The following KIFAP3 variants were observed in gnomAD, a reference collection of about 807,000 sequenced individuals.
The protein encoded by KIFAP3 is kinesin associated protein 3, also known as kinesin-associated protein 3.
A neutral mutation model predicts 106.5 loss-of-function variants in KIFAP3; 68 were observed. That is an observed-to-expected ratio of 0.64 (90% CI 0.53 to 0.78). The LOEUF is 0.78. Among genes scored for constraint, KIFAP3 ranks in the 30% least tolerant of loss-of-function variants. The pLI, the probability that KIFAP3 is intolerant of heterozygous loss-of-function variation, is 0.00. For missense variants in KIFAP3, 780 were observed against 941.8 expected (o/e 0.83, Z 2.25); for synonymous variants, 320 against 311.5 (o/e 1.03, Z -0.29).
rs747963501 is a variant in KIFAP3, at chr1:169,961,115, C to T, written c.2104G>A (p.Asp702Asn). The T allele has an allele frequency of 1.2e-6, 2 of 1,613,600 alleles. No homozygotes were observed. Among genetic ancestry groups the T allele is most frequent in the Non-Finnish European group, 1.7e-6 (2 of 1,179,660 alleles). Reference sequence around the variant, plus strand: ...TGAATGTATGGCTCAATTCGATCATCACCATACAAGTACTGCTCACTCTCA... The same window carrying T: ...TGAATGTATGGCTCAATTCGATCATTACCATACAAGTACTGCTCACTCTCA... Reference protein sequence around the residue: ...MDESEQYLYGDDRIEPYIHEG... With the variant: ...MDESEQYLYGNDRIEPYIHEG... Residue 702 changes from aspartate (D) to asparagine (N), a missense_variant, in exon 18 of 20, where the codon GAT becomes AAT. Asp to Asn is a conservative substitution (Grantham distance 23, BLOSUM62 1). Coordinates refer to ENST00000361580, the MANE Select transcript of KIFAP3 (RefSeq NM_014970.4).
chr1:170,041,773 TCTC>T (rs1352202779), intron 3 of KIFAP3: 23 of 1,532,094 alleles, frequency 1.5e-5, no homozygotes, highest in African/African-American at 2.7e-5. Context: ...CCTTTTGCCT[TCTC>T]CTGATCTGTT....
chr1:170,048,598 GC>G (rs902873668), intron 2 of KIFAP3, among the ~76,000 whole-genome samples: 1 of 151,618 alleles, frequency 6.6e-6, no homozygotes, highest in Non-Finnish European at 1.5e-5. Flanking sequence ...TGAGACCAAC[GC>G]AAAAGGTGGG....
At chr1:169,959,925 T>A (rs1665226076) in intron 18 of KIFAP3, among the ~76,000 whole-genome samples, 1 of 152,162 alleles carries the variant, frequency 6.6e-6, no homozygotes, top group Admixed American at 6.5e-5. Flanking sequence ...AAAGCAGCAT[T>A]TCTTAACTAC....
At chr1:169,988,694 G>A in intron 11 of KIFAP3, among the ~76,000 whole-genome samples, 1 of 151,854 alleles carries the variant, frequency 6.6e-6, no homozygotes, top group South Asian at 2.1e-4. Context: ...TTTAATTTCT[G>A]ACTTGTTTTC....
chr1:169,992,803 T>G (rs893863808), intron 10 of KIFAP3, among the ~76,000 whole-genome samples: 26 of 152,138 alleles, frequency 1.7e-4, no homozygotes, highest in Admixed American at 4.6e-4. Flanking sequence ...TAAGGTAAGA[T>G]TATTCTGGTT....
In KIFAP3 at chr1:170,000,584, C is replaced by T. The variant is rs556709235; in HGVS notation, c.1184-8329G>A. Among the ~76,000 whole-genome samples the T allele has an allele frequency of 3.9e-5, 6 of 152,180 alleles. No homozygotes were observed. The South Asian group carries it at 1.2e-3, about 32-fold the overall frequency. On this transcript the variant is annotated intron_variant, in intron 10 of 19. Coordinates refer to ENST00000361580, the MANE Select transcript of KIFAP3 (RefSeq NM_014970.4). ...CATGTTAACTACACACTGACATAGA[C>T]TAAAAACACATTGAAGCTATATCAG...
chr1:169,975,850 A>G (rs549177646), intron 16 of KIFAP3, among the ~76,000 whole-genome samples: 1 of 152,290 alleles, frequency 6.6e-6, no homozygotes. Context: ...TAAGACACAA[A>G]GTTTTTATGA....
At chr1:169,983,410 T>C in intron 12 of KIFAP3, 28 bp from the exon 13 acceptor site, 1 of 1,463,812 alleles carries the variant, frequency 6.8e-7, no homozygotes, top group South Asian at 1.2e-5. Flanking sequence ...CCCAATAAAA[T>C]TAAGGTTAGC....
chr1:170,016,838 T>C (rs1668547921), intron 9 of KIFAP3, among the ~76,000 whole-genome samples: 1 of 152,164 alleles, frequency 6.6e-6, no homozygotes, highest in African/African-American at 2.4e-5. Flanking sequence ...CCTCATTTAA[T>C]TGCATCAACT....
chr1:170,042,436 T>C (rs1670028194), intron 3 of KIFAP3, among the ~76,000 whole-genome samples: 1 of 152,188 alleles, frequency 6.6e-6, no homozygotes, highest in African/African-American at 2.4e-5. Context: ...GAGCAAAAGG[T>C]AAAAAATCAC....
intron 11 of KIFAP3, among the ~76,000 whole-genome samples, chr1:169,986,032 A>G (rs979772575): frequency 6.6e-6 from 1 of 152,026 alleles, no homozygotes; most frequent in Admixed American, 6.6e-5. Flanking sequence ...AACAAATAGA[A>G]GTTATTCCTA....
chr1:169,933,305 G>C (rs958667370), intron 19 of KIFAP3, among the ~76,000 whole-genome samples: 2 of 151,948 alleles, frequency 1.3e-5, no homozygotes, highest in African/African-American at 2.4e-5. Context: ...ATGTCCTCTA[G>C]AACATTTAGG....
intron 15 of KIFAP3, among the ~76,000 whole-genome samples, chr1:169,980,379 A>G (rs1666456395): frequency 6.6e-6 from 1 of 152,140 alleles, no homozygotes; most frequent in Non-Finnish European, 1.5e-5. Context: ...ACTATTCGCT[A>G]GTTATGATGT....
Position 170,016,560 on chromosome 1 carries a change from T to C in KIFAP3, c.1085A>G (p.Asn362Ser). Residue 362 changes from asparagine (N) to serine (S), a missense_variant, in exon 10 of 20, where the codon AAT (asparagine) becomes AGT (serine). Physicochemically the swap from Asn to Ser is conservative, Grantham distance 46 (BLOSUM62 1). Coordinates refer to ENST00000361580, the MANE Select transcript of KIFAP3 (RefSeq NM_014970.4). Reference protein sequence around the residue: ...MIPCEHEDLLNITLRLLLNLS... With the variant: ...MIPCEHEDLLSITLRLLLNLS... ...GTTTAGTAAAAGTCGGAGGGTGATATTCAGCAGGTCTTCATGCTCACAAGG... is the reference window on the plus strand; with the variant it reads ...GTTTAGTAAAAGTCGGAGGGTGATACTCAGCAGGTCTTCATGCTCACAAGG... 1 of 1,607,860 alleles carries C rather than the reference T, an allele frequency of 6.2e-7. No individual in the cohort carries two copies. The highest frequency in any genetic ancestry group is 8.5e-7 in the Non-Finnish European group (1 of 1,177,386).
intron 7 of KIFAP3, chr1:170,032,282 TG>T (rs1669453948): frequency 4.7e-6 from 1 of 212,500 alleles, no homozygotes; most frequent in African/African-American, 2.3e-5. Flanking sequence ...AAACTATATG[TG>T]AATATTTTAT....
At position 170,031,911 on chromosome 1, in the gene KIFAP3, C is replaced by T. The variant is rs1297023655; in HGVS notation, c.816G>A (p.Val272=). The change falls in exon 8 of 20, where the codon GTG becomes GTA. Residue 272 remains valine, a synonymous_variant. Coordinates refer to ENST00000361580, the MANE Select transcript of KIFAP3 (RefSeq NM_014970.4). ...EKTFKKYQGL[V]VKQEQLLRVA... ...CTCGTAATAGCTGTTCCTGTTTTAC[C>T]ACAAGCCCCTGGTACTTTTTAAAGG... is the stretch of plus-strand genomic sequence containing the variant. 6.2e-7 allele frequency: 1 copy of T among 1,610,266 alleles called. No homozygotes were observed. Among genetic ancestry groups the T allele is most frequent in the African/African-American group, 1.3e-5 (1 of 74,900 alleles).
intron 10 of KIFAP3, among the ~76,000 whole-genome samples, chr1:169,993,613 A>T (rs12745713): frequency 1 from 63,171 of 63,172 alleles, 31,585 homozygotes; most frequent in Non-Finnish European, 1. Context: ...CCCAGGGTCT[A>T]GCAAGCTTCA....
At chr1:170,067,534 T>C (rs753201916) in intron 1 of KIFAP3, 1 of 152,248 alleles carries the variant, frequency 6.6e-6, no homozygotes, top group Non-Finnish European at 1.5e-5. Context: ...TCAAGCACAG[T>C]GGCAGTCTTC....
chr1:170,034,337 C>A, intron 7 of KIFAP3, 35 bp downstream of exon 7: 1 of 1,586,286 alleles, frequency 6.3e-7, no homozygotes, highest in Non-Finnish European at 8.6e-7. Flanking sequence ...AAGCAAAAGA[C>A]AACAGACGGT....
Sources: allele counts gnomAD v4.1 joint callset (sites outside exome capture counted in the v4.1 genomes callset), GRCh38; gene constraint gnomAD v4.1.1; transcripts MANE v1.5; gene names NCBI Gene and HGNC (gene_info 2026-07-23, HGNC 2026-07-21).